MEGF9: variants seen among roughly 807,000 people sequenced by gnomAD.
The protein encoded by MEGF9 is multiple EGF like domains 9, also known as multiple epidermal growth factor-like domains protein 9.
In MEGF9, 6 loss-of-function variants were observed where a neutral mutation model predicts 46.8. The observed-to-expected ratio is 0.13, with a 90% CI of 0.07 to 0.25. MEGF9 has a LOEUF of 0.25. MEGF9 is among the 10% of genes least tolerant of loss of function. The probability of loss-of-function intolerance (pLI) is 1.00; values close to 1 mark genes in which losing one functional copy is unlikely to be tolerated. For missense variants in MEGF9, 683 were observed against 792.4 expected (o/e 0.86, Z 1.66); for synonymous variants, 302 against 330.7 (o/e 0.91, Z 0.94).
Position 120,604,758 on chromosome 9 carries a change from C to T in MEGF9, c.*432G>A, listed in dbSNP as rs1482287644. Reference sequence around the variant, plus strand: ...AATGATGTCCTTTTGTATAGTAAAACGAATATAATCCCTGACACTGTTTTA... The same window carrying T: ...AATGATGTCCTTTTGTATAGTAAAATGAATATAATCCCTGACACTGTTTTA... On this transcript the variant is annotated 3_prime_UTR_variant, in exon 6 of 6. Transcript: ENST00000373930. 1.2e-5 allele frequency: 2 copies of T among 172,510 alleles called. No homozygotes were observed. Among genetic ancestry groups the T allele is most frequent in the Non-Finnish European group, 2.5e-5 (2 of 78,774 alleles). 10.7% of individuals were successfully genotyped at this position (172,510 alleles called of 1,614,324 possible).
At chr9:120,696,020 G>A (rs529486244) in intron 1 of MEGF9, among the ~76,000 whole-genome samples, 3 of 152,310 alleles carry the variant, frequency 2.0e-5, no homozygotes, top group Admixed American at 2.0e-4. Flanking sequence ...ACAGGGAGAT[G>A]GATGGAGTAT....
chr9:120,653,808 G>C (rs1287848401), intron 2 of MEGF9, among the ~76,000 whole-genome samples: 1 of 152,194 alleles, frequency 6.6e-6, no homozygotes, highest in Non-Finnish European at 1.5e-5. Flanking sequence ...AGACTGGAAG[G>C]AGCATGGAGG....
At chr9:120,702,647 A>T (rs2043910618) in intron 1 of MEGF9, among the ~76,000 whole-genome samples, 1 of 152,348 alleles carries the variant, frequency 6.6e-6, no homozygotes, top group East Asian at 1.9e-4. Flanking sequence ...TTAGAGTAGG[A>T]GAATTCCTCT....
At chr9:120,672,479 G>C (rs538525916) in intron 1 of MEGF9, among the ~76,000 whole-genome samples, 7 of 146,162 alleles carry the variant, frequency 4.8e-5, no homozygotes, top group African/African-American at 1.9e-4. Flanking sequence ...TAAAAAGCCA[G>C]GAATGGTGGC....
intron 1 of MEGF9, among the ~76,000 whole-genome samples, chr9:120,674,722 T>C (rs1587991898): frequency 2.0e-5 from 3 of 152,000 alleles, no homozygotes; most frequent in Admixed American, 2.0e-4. Flanking sequence ...GCACACACCA[T>C]CATGCTTGCC....
At chr9:120,622,208 A>G (rs2132303963) in intron 3 of MEGF9, among the ~76,000 whole-genome samples, 1 of 152,280 alleles carries the variant, frequency 6.6e-6, no homozygotes. Context: ...ACCATCATGC[A>G]AGCCTCAAAT....
intron 2 of MEGF9, among the ~76,000 whole-genome samples, chr9:120,653,865 G>A (rs1015448106): frequency 6.6e-6 from 1 of 152,194 alleles, no homozygotes; most frequent in African/African-American, 2.4e-5. Context: ...CTGAAGTATT[G>A]TTAGGCTCAT....
In MEGF9 at chr9:120,612,311, G is replaced by GAA. The variant is rs1295024697; in HGVS notation, c.1087+83_1087+84dup. On this transcript the variant is annotated intron_variant, in intron 4 of 5. Transcript: ENST00000373930. ...AACTCCCTTTCACCTATAGCATCCAGAACTTTATTCATCAATGCAACTTAT... is the reference window on the plus strand; with the variant it reads ...AACTCCCTTTCACCTATAGCATCCAGAAAACTTTATTCATCAATGCAACTTAT... 8 of 1,349,794 alleles carry GAA rather than the reference G, an allele frequency of 5.9e-6. No individual in the cohort carries two copies. In the Admixed American group the frequency reaches 1.9e-4, roughly 32 times the overall value. 83.6% of individuals were successfully genotyped at this position (1,349,794 alleles called of 1,614,324 possible).
At chr9:120,632,750 T>C (rs1180121391) in intron 2 of MEGF9, among the ~76,000 whole-genome samples, 1 of 152,206 alleles carries the variant, frequency 6.6e-6, no homozygotes, top group Admixed American at 6.5e-5. Context: ...TGGCCTTTAT[T>C]ATTCTGAGGT....
At chr9:120,611,865 A>AGGAAGGAAGGAAGAAAGAG (rs572613293) in intron 4 of MEGF9, among the ~76,000 whole-genome samples, 74 of 137,214 alleles carry the variant, frequency 5.4e-4, no homozygotes, top group African/African-American at 2.2e-3. Flanking sequence ...GGAAGGAAGA[A>AGGAAGGAAGGAAGAAAGAG]AGAGAGAGAG....
At chr9:120,709,576 G>A (rs966264399) in intron 1 of MEGF9, among the ~76,000 whole-genome samples, 3 of 152,174 alleles carry the variant, frequency 2.0e-5, no homozygotes, top group Non-Finnish European at 2.9e-5. Flanking sequence ...GAGCTGTCAT[G>A]GCACAGAGAC....
In MEGF9 at chr9:120,602,740, C is replaced by A. The variant is rs1267018854; in HGVS notation, c.*2450G>T. 3 of 152,144 alleles carry A rather than the reference C, an allele frequency of 2.0e-5. No individual in the cohort carries two copies. Among genetic ancestry groups the A allele is most frequent in the Non-Finnish European group, 4.4e-5 (3 of 68,052 alleles). The allele number at this position is 152,144 out of a possible 1,614,324, so 9.4% of individuals were successfully genotyped here. A position where few individuals can be genotyped will look rare whatever the true frequency, so the allele number is the denominator to read the frequency against. On this transcript the variant is annotated 3_prime_UTR_variant, in exon 6 of 6. Transcript: ENST00000373930. ...TTTAATAAATGTTCACTTCTCACCA[C>A]CTTTAATCCTGACCTTTTTTGGGGG...
chr9:120,612,136 C>CT (rs748223790), intron 4 of MEGF9, among the ~76,000 whole-genome samples: 20 of 152,062 alleles, frequency 1.3e-4, no homozygotes, highest in Non-Finnish European at 2.5e-4. Context: ...TAAATGTTAC[C>CT]TTGAAATAGG....
At chr9:120,659,642 CTA>C in intron 1 of MEGF9, 67 bp from the exon 2 acceptor site, 2 of 1,230,540 alleles carry the variant, frequency 1.6e-6, no homozygotes, top group Non-Finnish European at 1.1e-6. Flanking sequence ...AAAATGAACT[CTA>C]TTTTATTTTT....
In MEGF9 at chr9:120,603,205, T is replaced by C. The variant is rs1260353698; in HGVS notation, c.*1985A>G. On this transcript the variant is annotated 3_prime_UTR_variant, in exon 6 of 6. Coordinates refer to ENST00000373930, the MANE Select transcript of MEGF9 (RefSeq NM_001080497.3). ...AGCCTTGAACAAGATATTTAGCTCC[T>C]CTGTGCCTCAGCCTTTTCATCTATA... 6.6e-6 allele frequency: 1 copy of C among 152,190 alleles called. No individual in the cohort carries two copies. Among genetic ancestry groups the C allele is most frequent in the Non-Finnish European group, 1.5e-5 (1 of 68,042 alleles). 9.4% of individuals were successfully genotyped at this position (152,190 alleles called of 1,614,324 possible).
At chr9:120,693,176 T>C (rs538373664) in intron 1 of MEGF9, among the ~76,000 whole-genome samples, 25 of 149,862 alleles carry the variant, frequency 1.7e-4, no homozygotes, top group African/African-American at 6.1e-4. Flanking sequence ...TAAAAGTGAA[T>C]GTAAAGTCAA....
rs758099186 is a variant in MEGF9 at position 120,605,364 on chromosome 9, T to C, written c.1635A>G (p.Lys545=). 2.5e-6 allele frequency: 4 copies of C among 1,613,928 alleles called. No individual in the cohort carries two copies. In the South Asian group the frequency reaches 4.4e-5, roughly 18 times the overall value. Residue 545 remains lysine (K), a synonymous_variant, in exon 6 of 6, where the codon AAA becomes AAG. Coordinates refer to ENST00000373930, the MANE Select transcript of MEGF9 (RefSeq NM_001080497.3). This position sits in a 1 kb window ranked among gnomAD's most constrained non-coding sequence, Gnocchi z 4.0. The part of the protein sequence containing the change: ...VYMYREYQNR[K]LNAPFWTIEL... ...CGATGGTCCAAAAGGGGGCATTGAG[T>C]TTCCGGTTTTGGTACTCGCGGTACA...
At chr9:120,664,815 A>G (rs375288040) in intron 1 of MEGF9, among the ~76,000 whole-genome samples, 1 of 152,236 alleles carries the variant, frequency 6.6e-6, no homozygotes, top group Non-Finnish European at 1.5e-5. Context: ...GCAAAACTGC[A>G]TAAATACCTT....
At chr9:120,635,754 T>G (rs979987504) in intron 2 of MEGF9, among the ~76,000 whole-genome samples, 2 of 152,200 alleles carry the variant, frequency 1.3e-5, no homozygotes, top group Non-Finnish European at 2.9e-5. Flanking sequence ...TGTATTTCCT[T>G]GTATATCATT....
Sources: allele counts gnomAD v4.1 joint callset (sites outside exome capture counted in the v4.1 genomes callset), GRCh38; gene constraint gnomAD v4.1.1; non-coding constraint Gnocchi (gnomAD v3.1); transcripts MANE v1.5; gene names NCBI Gene and HGNC (gene_info 2026-07-23, HGNC 2026-07-21).